Variants in FAM221A observed in about 807,000 individuals in gnomAD.
The protein encoded by FAM221A is family with sequence similarity 221 member A.
FAM221A carries 43 observed loss-of-function variants against 37.6 expected under a neutral mutation model. The observed-to-expected ratio is 1.15, with a 90% CI of 0.90 to 1.48. The LOEUF is 1.48. FAM221A is among the 40% of genes most tolerant of loss of function. The probability of loss-of-function intolerance (pLI) is 0.00; values close to 1 mark genes in which losing one functional copy is unlikely to be tolerated. For missense variants in FAM221A, 361 were observed against 361.5 expected, an observed-to-expected ratio of 1.00 and a Z score of 0.01; for synonymous variants, 135 against 132.9, an observed-to-expected ratio of 1.02 and a Z score of -0.11.
chr7:23,702,114 G>C lies in FAM221A; in HGVS notation c.847G>C (p.Ala283Pro). 1 of 1,600,462 alleles carries C rather than the reference G, an allele frequency of 6.2e-7. No homozygotes were observed. Among genetic ancestry groups the C allele is most frequent in the Non-Finnish European group, 8.5e-7 (1 of 1,172,726 alleles). ...TTTACAGATGAAAATGGAAAAGGCT[G>C]CTAAGTGGAAAGGAAAAGCTCCATT... ...YQERMKMEKA[A>P]KWKGKAPLPS... Residue 283 changes from alanine to proline, a missense_variant, in exon 7 of 7, where the codon GCT (alanine) becomes CCT (proline). Ala to Pro is a conservative substitution (Grantham distance 27). Transcript: ENST00000344962.
chr7:23,686,292 CT>C (rs561014755), intron 2 of FAM221A: 9,278 of 427,310 alleles, frequency 0.022, 269 homozygotes, highest in African/African-American at 0.093. Flanking sequence ...GAGACAGGGT[CT>C]TACTCTGTCA....
intron 6 of FAM221A, among the ~76,000 whole-genome samples, chr7:23,701,447 G>A (rs899175768): frequency 6.6e-6 from 1 of 151,948 alleles, no homozygotes; most frequent in African/African-American, 2.4e-5. Context: ...CACTGTGTTA[G>A]CCAGGATGGT....
At chr7:23,697,781 A>T (rs1365453931) in intron 4 of FAM221A, among the ~76,000 whole-genome samples, 3 of 152,214 alleles carry the variant, frequency 2.0e-5, no homozygotes, top group Non-Finnish European at 4.4e-5. Context: ...AGAGTCTCAC[A>T]GTGTTGCCCA....
intron 2 of FAM221A, among the ~76,000 whole-genome samples, chr7:23,685,951 T>C (rs1562517515): frequency 1.3e-5 from 2 of 152,222 alleles, no homozygotes; most frequent in Non-Finnish European, 2.9e-5. Context: ...CTGATAGCAA[T>C]TTCTGGGGCT....
intron 1 of FAM221A, among the ~76,000 whole-genome samples, chr7:23,682,816 A>G (rs1784135713): frequency 6.6e-6 from 1 of 152,180 alleles, no homozygotes; most frequent in African/African-American, 2.4e-5. Context: ...TACCAATGAC[A>G]TCTTACTTTT....
chr7:23,683,899 G>A (rs907723801), intron 1 of FAM221A, among the ~76,000 whole-genome samples: 4 of 152,164 alleles, frequency 2.6e-5, no homozygotes, highest in Non-Finnish European at 5.9e-5. Context: ...AATTACATAT[G>A]TTTATAAGTA....
intron 2 of FAM221A, among the ~76,000 whole-genome samples, chr7:23,685,630 C>T (rs1459497179): frequency 6.6e-6 from 1 of 152,190 alleles, no homozygotes; most frequent in Non-Finnish European, 1.5e-5. Context: ...GCCTTTTATA[C>T]CTTAAGGATC....
intron 2 of FAM221A, chr7:23,688,842 G>T (rs1287508316): frequency 6.5e-6 from 1 of 152,682 alleles, no homozygotes; most frequent in African/African-American, 2.4e-5. Context: ...CTCTATATTG[G>T]TCAGGCTGGT....
At chr7:23,692,570 G>A in intron 4 of FAM221A, 1 of 629,786 alleles carries the variant, frequency 1.6e-6, no homozygotes, top group Non-Finnish European at 2.0e-6. Context: ...TCGAACTCCT[G>A]ACCTCAGGTG....
intron 1 of FAM221A, 36 bp from the exon 2 acceptor site, chr7:23,684,463 C>A: frequency 6.6e-7 from 1 of 1,505,578 alleles, no homozygotes; most frequent in Non-Finnish European, 9.1e-7. Context: ...AAAATAAATA[C>A]TCAAAGCTTA....
chr7:23,681,299 G>A (rs1198055246), intron 1 of FAM221A, among the ~76,000 whole-genome samples: 1 of 152,224 alleles, frequency 6.6e-6, no homozygotes, highest in African/African-American at 2.4e-5. Flanking sequence ...GCTGGAGCTG[G>A]TGTTGACTGA....
At position 23,689,391 on chromosome 7, in the gene FAM221A, C is replaced by T. The variant is rs1022805256; in HGVS notation, c.362C>T (p.Pro121Leu). The T allele has an allele frequency of 4.4e-6, 7 of 1,607,498 alleles. No individual in the cohort carries two copies. Among genetic ancestry groups the T allele is most frequent in the Non-Finnish European group, 6.0e-6 (7 of 1,175,060 alleles). ...TATGTCCCCTTGAATGGTAGCCAGCCCATTCGCTGCAGGTGCAAACACTTT... is the reference window on the plus strand; with the variant it reads ...TATGTCCCCTTGAATGGTAGCCAGCTCATTCGCTGCAGGTGCAAACACTTT... ...YLYVPLNGSQ[P>L]IRCRCKHFAD... is the part of the protein sequence containing the mutation. Residue 121 changes from proline to leucine, a missense_variant, in exon 3 of 7, where the codon CCC becomes CTC. Pro to Leu is a moderately conservative substitution (Grantham distance 98). Transcript: ENST00000344962.
At chr7:23,690,199 A>ATATATTTTTTTTTTTT (rs774313037) in intron 3 of FAM221A, among the ~76,000 whole-genome samples, 1 of 48,740 alleles carries the variant, frequency 2.1e-5, no homozygotes, top group African/African-American at 8.5e-5. Context: ...ATATATATAT[A>ATATATTTTTTTTTTTT]TTTTTTTTTT....
At chr7:23,687,098 A>G (rs1328179614) in intron 2 of FAM221A, 1 of 152,196 alleles carries the variant, frequency 6.6e-6, no homozygotes, top group East Asian at 1.9e-4. Context: ...GTTGTGAAGT[A>G]TGTGTGTGCA....
At chr7:23,697,194 C>G (rs543792337) in intron 4 of FAM221A, among the ~76,000 whole-genome samples, 8 of 152,320 alleles carry the variant, frequency 5.3e-5, no homozygotes, top group African/African-American at 1.9e-4. Flanking sequence ...GCCCCTTCTC[C>G]CATGTTCCCA....
downstream of FAM221A, chr7:23,702,770 T>G (rs958864119): frequency 6.6e-6 from 1 of 152,262 alleles, no homozygotes; most frequent in South Asian, 2.1e-4. Context: ...ACATCTTGTG[T>G]GCCACTGCAA....
At chr7:23,699,508 T>C (rs1252237080) in intron 5 of FAM221A, among the ~76,000 whole-genome samples, 1 of 150,714 alleles carries the variant, frequency 6.6e-6, no homozygotes, top group Non-Finnish European at 1.5e-5. Flanking sequence ...CAGCAGACAG[T>C]TGCTTGTTTC....
chr7:23,695,161 G>C (rs928449146), intron 4 of FAM221A, among the ~76,000 whole-genome samples: 3 of 151,978 alleles, frequency 2.0e-5, no homozygotes, highest in African/African-American at 7.2e-5. Context: ...ATTTTTTTTA[G>C]AGACAGAGTC....
At chr7:23,694,543 T>TC (rs1306086326) in intron 4 of FAM221A, 1 of 152,244 alleles carries the variant, frequency 6.6e-6, no homozygotes, top group Non-Finnish European at 1.5e-5. Context: ...GATGATCATG[T>TC]TTGATGACGG....
Sources: gnomAD v4.1 joint callset for allele counts (sites outside exome capture counted in the v4.1 genomes callset) on GRCh38, gnomAD v4.1.1 for gene constraint, MANE v1.5 for transcripts, NCBI Gene and HGNC (gene_info 2026-07-23, HGNC 2026-07-21) for gene names.